Variants in MRPL42 observed in about 807,000 individuals in gnomAD.
The protein encoded by MRPL42 is large ribosomal subunit protein mL42.
Under a neutral mutation model 17.9 loss-of-function variants are expected in MRPL42, and 17 were observed. The observed-to-expected ratio is 0.95, with a 90% CI of 0.65 to 1.42. MRPL42 has a LOEUF of 1.42. Ranked by LOEUF, MRPL42 falls within the 40% of genes most tolerant of loss-of-function variation. The probability of loss-of-function intolerance (pLI) is 0.00; values close to 1 mark genes in which losing one functional copy is unlikely to be tolerated. For missense variants in MRPL42, 177 were observed against 175.2 expected, an observed-to-expected ratio of 1.01 and a Z score of -0.06; for synonymous variants, 59 against 54.4, an observed-to-expected ratio of 1.08 and a Z score of -0.37.
At chr12:93,475,003 G>C (rs143524112) in intron 2 of MRPL42, among the ~76,000 whole-genome samples, 1,610 of 152,278 alleles carry the variant, frequency 0.011, 21 homozygotes, top group Non-Finnish European at 0.018. Flanking sequence ...TGAGGTAGGA[G>C]AATTGCTTGA....
chr12:93,487,532 A>C lies in MRPL42; in HGVS notation c.255A>C (p.Glu85Asp), dbSNP rs555749443. Reference protein sequence around the residue: ...IPRPDPVHNNEETHDQVLKTR... With the variant: ...IPRPDPVHNNDETHDQVLKTR... The stretch of plus-strand genomic sequence containing the variant: ...GGCCAGATCCTGTGCATAATAATGA[A>C]GAAACACATGATCAAGTGCTGAAAA... Residue 85 changes from glutamate (E) to aspartate (D), a missense_variant, in exon 5 of 6, where the codon GAA becomes GAC. Physicochemically the swap from Glu to Asp is conservative, Grantham distance 45. Transcript: ENST00000549982. 3 of 1,613,912 alleles carry C rather than the reference A, an allele frequency of 1.9e-6. No homozygotes were observed. In the Admixed American group the frequency reaches 5.0e-5, roughly 27 times the overall value.
chr12:93,476,319 T>G (rs1215143952), intron 2 of MRPL42, among the ~76,000 whole-genome samples: 2 of 152,066 alleles, frequency 1.3e-5, no homozygotes, highest in African/African-American at 4.8e-5. Flanking sequence ...CCCGAGTAGC[T>G]GACCACGCCT....
At position 93,477,005 on chromosome 12, in the gene MRPL42, A is replaced by T; in HGVS notation, c.122A>T (p.Asp41Val). The change falls in exon 3 of 6, where the codon GAT becomes GTT. Residue 41 changes from aspartate (D) to valine (V), a missense_variant. Physicochemically the swap from Asp to Val is radical, Grantham distance 152. Coordinates refer to ENST00000549982, the MANE Select transcript of MRPL42 (RefSeq NM_014050.4). ...AAATCTACGTATTCTCCTCTACCAG[A>T]TGACTATAATTGGTATGTATTAAAA... ...CHKSTYSPLP[D>V]DYNCNVELAL... 6.3e-7 allele frequency: 1 copy of T among 1,594,178 alleles called. No individual in the cohort carries two copies. The highest frequency in any genetic ancestry group is 8.6e-7 in the Non-Finnish European group (1 of 1,164,752).
At chr12:93,501,107 A>C in intron 5 of MRPL42, 69 bp from the exon 6 acceptor site, 1 of 1,215,514 alleles carries the variant, frequency 8.2e-7, no homozygotes. Context: ...ATAATCATAG[A>C]AGTTAGATTT....
At chr12:93,489,657 C>T (rs1283518652) in intron 5 of MRPL42, among the ~76,000 whole-genome samples, 7 of 152,152 alleles carry the variant, frequency 4.6e-5, no homozygotes, top group African/African-American at 1.7e-4. Context: ...CCTCAGCCTC[C>T]CAAGTAACTG....
chr12:93,488,735 A>G (rs1953358369), intron 5 of MRPL42, among the ~76,000 whole-genome samples: 1 of 151,998 alleles, frequency 6.6e-6, no homozygotes, highest in Non-Finnish European at 1.5e-5. Context: ...ATCGATTCTT[A>G]CCTGCCATTT....
At position 93,487,486 on chromosome 12, in the gene MRPL42, T is replaced by G; in HGVS notation, c.220-11T>G. 2.5e-6 allele frequency: 4 copies of G among 1,603,618 alleles called. No individual in the cohort carries two copies. Among genetic ancestry groups the G allele is most frequent in the Non-Finnish European group, 3.4e-6 (4 of 1,175,870 alleles). ...ACATCTTCATGATGTTTGTTACTGA[T>G]TATTTTGTAGCCTATCCCTCGGCCA... On this transcript the variant is annotated splice_polypyrimidine_tract_variant and intron_variant, in intron 4 of 5. Transcript: ENST00000549982.
In MRPL42 at chr12:93,515,693, CAG is replaced by C. The variant is rs1953774760; in HGVS notation, c.*14477_*14478del. ...TTGGCAACTAATTTACACGGAATGG[CAG>C]AGAGTGATTAATGAAAAAGCGGGGA... On this transcript the variant is annotated 3_prime_UTR_variant, in exon 6 of 6. Transcript: ENST00000549982. 6.6e-6 allele frequency: 1 copy of C among 152,140 alleles called. No homozygotes were observed. Among genetic ancestry groups the C allele is most frequent in the Admixed American group, 6.5e-5 (1 of 15,280 alleles). 9.4% of individuals were successfully genotyped at this position (152,140 alleles called of 1,614,324 possible).
At position 93,509,141 on chromosome 12, in the gene MRPL42, TCA is replaced by T. The variant is rs1418235168; in HGVS notation, c.*7924_*7925del. 7.2e-6 allele frequency: 1 copy of T among 138,744 alleles called. No individual in the cohort carries two copies. Among genetic ancestry groups the T allele is most frequent in the African/African-American group, 2.7e-5 (1 of 36,396 alleles). The allele number at this position is 138,744 out of a possible 1,614,324, so 8.6% of individuals were successfully genotyped here. A position where few individuals can be genotyped will look rare whatever the true frequency, so the allele number is the denominator to read the frequency against. ...AGGCAGAGGTTGCAGTGGGCCAAGA[TCA>T]CACCACTGCACTCCAGTCTGGGTGA... On this transcript the variant is annotated 3_prime_UTR_variant, in exon 6 of 6. Transcript: ENST00000549982.
chr12:93,491,729 G>A (rs1953419108), intron 5 of MRPL42, among the ~76,000 whole-genome samples: 1 of 151,912 alleles, frequency 6.6e-6, no homozygotes, highest in African/African-American at 2.4e-5. Context: ...CAGGCAGTGA[G>A]GTAGTGCCCA....
intron 5 of MRPL42, among the ~76,000 whole-genome samples, chr12:93,490,552 A>G (rs1055819117): frequency 3.9e-5 from 6 of 152,172 alleles, no homozygotes; most frequent in Non-Finnish European, 8.8e-5. Flanking sequence ...ACACATATTT[A>G]TTTGATATCT....
intron 2 of MRPL42, among the ~76,000 whole-genome samples, chr12:93,476,640 A>C (rs1317414304): frequency 6.6e-6 from 1 of 152,148 alleles, no homozygotes; most frequent in African/African-American, 2.4e-5. Context: ...CATCATCTCC[A>C]CTGAAAAGGC....
At chr12:93,484,443 G>GCA (rs1880609374) in intron 4 of MRPL42, among the ~76,000 whole-genome samples, 1 of 151,992 alleles carries the variant, frequency 6.6e-6, no homozygotes, top group Non-Finnish European at 1.5e-5. Flanking sequence ...CAGTGCAGTT[G>GCA]GTTTGTTTAC....
At chr12:93,491,128 T>A (rs1953403953) in intron 5 of MRPL42, among the ~76,000 whole-genome samples, 1 of 152,166 alleles carries the variant, frequency 6.6e-6, no homozygotes, top group Non-Finnish European at 1.5e-5. Context: ...AGACTTCAAG[T>A]GATCCCACTG....
At chr12:93,470,764 A>G (rs1208440871) in intron 2 of MRPL42, among the ~76,000 whole-genome samples, 1 of 152,248 alleles carries the variant, frequency 6.6e-6, no homozygotes, top group Non-Finnish European at 1.5e-5. Flanking sequence ...CTCCAGCTGC[A>G]TCTGTGTTGC....
chr12:93,495,353 A>G (rs531674075), intron 5 of MRPL42, among the ~76,000 whole-genome samples: 3 of 152,260 alleles, frequency 2.0e-5, no homozygotes, highest in East Asian at 1.9e-4. Flanking sequence ...CCTCCTAAGT[A>G]GCTGGGACTA....
At position 93,487,517 on chromosome 12, in the gene MRPL42, T is replaced by G. The variant is rs368003644; in HGVS notation, c.240T>G (p.Pro80=). 3 of 1,613,414 alleles carry G rather than the reference T, an allele frequency of 1.9e-6. No homozygotes were observed. In the South Asian group the frequency reaches 3.3e-5, roughly 18 times the overall value. Residue 80 remains proline (P), a synonymous_variant, in exon 5 of 6, where the codon CCT becomes CCG. Transcript: ENST00000549982. ...EHTKPIPRPD[P]VHNNEETHDQ... ...TGTAGCCTATCCCTCGGCCAGATCC[T>G]GTGCATAATAATGAAGAAACACATG... is the stretch of plus-strand genomic sequence containing the variant.
intron 2 of MRPL42, among the ~76,000 whole-genome samples, chr12:93,473,124 ATTG>A (rs1199258328): frequency 1.3e-5 from 2 of 152,236 alleles, no homozygotes; most frequent in African/African-American, 4.8e-5. Flanking sequence ...TACAGAAATT[ATTG>A]TTAATTGAAA....
rs1417662230 is a variant in MRPL42 at position 93,511,510 on chromosome 12, A to G, written c.*10289A>G. On this transcript the variant is annotated 3_prime_UTR_variant, in exon 6 of 6. Transcript: ENST00000549982. ...TGTTGGGAGACTGTGTGGCAAAGAA[A>G]GTACTTCAATTACCAGTTACCAACA... is the stretch of plus-strand genomic sequence containing the variant. 6.6e-6 allele frequency: 1 copy of G among 152,186 alleles called. No individual in the cohort carries two copies. The highest frequency in any genetic ancestry group is 2.4e-5 in the African/African-American group (1 of 41,460). 9.4% of individuals were successfully genotyped at this position (152,186 alleles called of 1,614,324 possible).
Sources: allele counts gnomAD v4.1 joint callset (sites outside exome capture counted in the v4.1 genomes callset), GRCh38; gene constraint gnomAD v4.1.1; transcripts MANE v1.5; gene names NCBI Gene and HGNC (gene_info 2026-07-23, HGNC 2026-07-21).